The following HGD variants were observed in gnomAD, a reference collection of about 807,000 sequenced individuals.
The protein encoded by HGD is homogentisate 1,2-dioxygenase.
In HGD, 61 loss-of-function variants were observed where a neutral mutation model predicts 60.8. That is an observed-to-expected ratio of 1.00 (90% confidence interval 0.82 to 1.24). HGD has a LOEUF of 1.24. Among genes scored for constraint, HGD ranks in the 50% most tolerant of loss-of-function variants. The pLI, the probability that HGD is intolerant of heterozygous loss-of-function variation, is 0.00. For synonymous variants in HGD, 212 were observed against 187.7 expected (o/e 1.13, Z -1.06); for missense variants, 542 against 547.1 (o/e 0.99, Z 0.09).
At chr3:120,662,215 C>A (rs1369613279) in intron 4 of HGD, among the ~76,000 whole-genome samples, 2 of 151,848 alleles carry the variant, frequency 1.3e-5, no homozygotes. Context: ...GTGGAGGGGG[C>A]GGGTGATGGT....
intron 4 of HGD, among the ~76,000 whole-genome samples, chr3:120,658,778 T>C (rs1317984482): frequency 6.6e-6 from 1 of 152,204 alleles, no homozygotes; most frequent in Non-Finnish European, 1.5e-5. Flanking sequence ...CTCTAAAATC[T>C]AGGTGGGGGC....
intron 10 of HGD, 116 bp downstream of exon 10, chr3:120,644,203 A>C: frequency 8.4e-7 from 1 of 1,197,536 alleles, no homozygotes; most frequent in South Asian, 1.2e-5. Flanking sequence ...GTAGTGCCGT[A>C]GTGGTATGAT....
At chr3:120,667,652 A>G (rs1010134800) in intron 4 of HGD, among the ~76,000 whole-genome samples, 13 of 152,190 alleles carry the variant, frequency 8.5e-5, no homozygotes, top group African/African-American at 2.9e-4. Flanking sequence ...AAACAGATCT[A>G]TGAAGATTTA....
intron 12 of HGD, 145 bp from the exon 13 acceptor site, chr3:120,633,473 CAGA>C: frequency 6.5e-7 from 1 of 1,544,518 alleles, no homozygotes; most frequent in African/African-American, 1.4e-5. Context: ...TATGGATTGA[CAGA>C]AGAACAATCA....
chr3:120,651,567 G>A (rs916461829), intron 5 of HGD, among the ~76,000 whole-genome samples: 1 of 152,192 alleles, frequency 6.6e-6, no homozygotes, highest in Admixed American at 6.5e-5. Flanking sequence ...ATATTTAAGT[G>A]AGTCTACAAA....
rs997581416 is a variant in HGD at position 120,641,803 on chromosome 3, C to A, written c.775-110G>T. 4.9e-6 allele frequency: 4 copies of A among 812,906 alleles called. No individual in the cohort carries two copies. In the African/African-American group the frequency reaches 5.0e-5, roughly 10 times the overall value. The allele number at this position is 812,906 out of a possible 1,614,324, so 50.4% of individuals were successfully genotyped here. A position where few individuals can be genotyped will look rare whatever the true frequency, so the allele number is the denominator to read the frequency against. On this transcript the variant is annotated intron_variant, in intron 10 of 13. Transcript: ENST00000283871. ...TCTCTTCTTTTGATTTGATTTTGTT[C>A]TCGATTTAATTTTACCGTCCTTTGG...
At chr3:120,662,947 A>AT (rs886279407) in intron 4 of HGD, among the ~76,000 whole-genome samples, 1 of 152,176 alleles carries the variant, frequency 6.6e-6, no homozygotes, top group Non-Finnish European at 1.5e-5. Flanking sequence ...TGTTGTCCTT[A>AT]TAAGAAGAGG....
intron 13 of HGD, among the ~76,000 whole-genome samples, chr3:120,630,207 A>G (rs1314305670): frequency 2.6e-5 from 4 of 152,248 alleles, no homozygotes; most frequent in Non-Finnish European, 1.5e-5. Context: ...ATCCAAAGCA[A>G]TGTAAAGATT....
At chr3:120,656,713 G>A (rs368284060) in intron 4 of HGD, among the ~76,000 whole-genome samples, 4 of 151,978 alleles carry the variant, frequency 2.6e-5, no homozygotes, top group African/African-American at 4.8e-5. Flanking sequence ...CCCCATGCCC[G>A]GGTAGTTTTT....
chr3:120,633,499 A>T, intron 12 of HGD, 171 bp from the exon 13 acceptor site: 2 of 1,522,188 alleles, frequency 1.3e-6, no homozygotes, highest in Non-Finnish European at 1.8e-6. Context: ...AAACATTCAT[A>T]TTGGCATTCT....
At chr3:120,640,493 A>T (rs1374699261) in intron 11 of HGD, among the ~76,000 whole-genome samples, 2 of 152,206 alleles carry the variant, frequency 1.3e-5, no homozygotes, top group Middle Eastern at 3.2e-3. Flanking sequence ...GAAGCCTGCA[A>T]AGGCTTTCTA....
chr3:120,673,530 A>G (rs1274370193), intron 3 of HGD, among the ~76,000 whole-genome samples: 2 of 152,218 alleles, frequency 1.3e-5, no homozygotes, highest in Admixed American at 1.3e-4. Context: ...AGAGATGATT[A>G]AATAGTGAAG....
At chr3:120,640,119 AAGAG>A (rs1940920239) in intron 11 of HGD, among the ~76,000 whole-genome samples, 1 of 150,540 alleles carries the variant, frequency 6.6e-6, no homozygotes, top group Non-Finnish European at 1.5e-5. Context: ...AAGAAAGAAA[AAGAG>A]AGAGAGAAAG....
intron 4 of HGD, among the ~76,000 whole-genome samples, chr3:120,669,803 G>T (rs1707985028): frequency 6.6e-6 from 1 of 152,100 alleles, no homozygotes; most frequent in South Asian, 2.1e-4. Flanking sequence ...TTTGTGAATT[G>T]TCCTTTGCCC....
intron 8 of HGD, 94 bp from the exon 9 acceptor site, chr3:120,646,460 AG>A: frequency 3.6e-6 from 3 of 826,208 alleles, no homozygotes; most frequent in Non-Finnish European, 6.4e-6. Context: ...CACATGCAAA[AG>A]TAAAGCTCTT....
intron 4 of HGD, among the ~76,000 whole-genome samples, chr3:120,666,165 C>T (rs113164601): frequency 2.0e-5 from 3 of 152,150 alleles, no homozygotes; most frequent in Non-Finnish European, 2.9e-5. Context: ...TAATAAACTG[C>T]TACCTGGTTG....
intron 12 of HGD, among the ~76,000 whole-genome samples, chr3:120,634,874 G>A (rs183838046): frequency 5.6e-4 from 85 of 152,306 alleles, no homozygotes; most frequent in African/African-American, 2.0e-3. Flanking sequence ...TGCTGAAGAG[G>A]TGAGACCCAG....
chr3:120,649,750 C>A (rs1490584200), intron 6 of HGD, among the ~76,000 whole-genome samples: 1 of 152,028 alleles, frequency 6.6e-6, no homozygotes, highest in South Asian at 2.1e-4. Context: ...TACAGGGAAC[C>A]CCCCCAAAAA....
intron 13 of HGD, among the ~76,000 whole-genome samples, chr3:120,630,798 TTA>T (rs61375071): frequency 0.37 from 32,175 of 87,664 alleles, 5,122 homozygotes; most frequent in East Asian, 0.57. Context: ...CTTAAGAGCT[TTA>T]TATATATATA....
Sources: gnomAD v4.1 joint callset for allele counts (sites outside exome capture counted in the v4.1 genomes callset) on GRCh38, gnomAD v4.1.1 for gene constraint, MANE v1.5 for transcripts, NCBI Gene and HGNC (gene_info 2026-07-23, HGNC 2026-07-21) for gene names.